ZBED4: variants seen among roughly 807,000 people sequenced by gnomAD.
ZBED4 encodes the protein zinc finger BED domain-containing protein 4.
ZBED4 carries 4 observed loss-of-function variants against 15.5 expected under a neutral mutation model. The observed-to-expected ratio is 0.26, with a 90% CI of 0.13 to 0.59. The LOEUF (loss-of-function observed/expected upper bound fraction) is 0.59. Ranked by LOEUF, ZBED4 falls within the 20% of genes least tolerant of loss-of-function variation. The pLI is 0.90. For missense variants in ZBED4, 1,323 were observed against 1,461.8 expected (o/e 0.91, Z 1.55); for synonymous variants, 692 against 608.5 (o/e 1.14, Z -2.02).
At chr22:49,868,532 T>C (rs2147516158) in intron 1 of ZBED4, among the ~76,000 whole-genome samples, 1 of 152,138 alleles carries the variant, frequency 6.6e-6, no homozygotes, top group Admixed American at 6.5e-5. Flanking sequence ...TGAGCCAAGA[T>C]TGTGCCACTG....
Position 49,885,486 on chromosome 22 carries a change from T to C in ZBED4, c.1824T>C (p.His608=). ...SCLLRHLQRF[H]SNVLKTEVSE... is the part of the protein sequence containing the mutation. ...TTCTGAGACATTTACAGCGGTTCCA[T>C]AGCAACGTGCTGAAAACTGAGGTCT... Residue 608 remains histidine (H), a synonymous_variant, in exon 2 of 2, where the codon CAT becomes CAC. Transcript: ENST00000216268. 1 of 1,612,448 alleles carries C rather than the reference T, an allele frequency of 6.2e-7. No individual in the cohort carries two copies. Among genetic ancestry groups the C allele is most frequent in the Non-Finnish European group, 8.5e-7 (1 of 1,178,560 alleles).
chr22:49,870,388 T>C (rs2060340999), intron 1 of ZBED4, among the ~76,000 whole-genome samples: 1 of 152,248 alleles, frequency 6.6e-6, no homozygotes, highest in Admixed American at 6.5e-5. Context: ...TTTAGTTCTT[T>C]GAGAAGACTC....
At chr22:49,876,205 C>G (rs926922900) in intron 1 of ZBED4, among the ~76,000 whole-genome samples, 1 of 152,118 alleles carries the variant, frequency 6.6e-6, no homozygotes, top group African/African-American at 2.4e-5. Flanking sequence ...AGAGAAGAGT[C>G]TGTCTTGGTG....
chr22:49,874,506 G>A (rs1025663963), intron 1 of ZBED4, among the ~76,000 whole-genome samples: 5 of 146,000 alleles, frequency 3.4e-5, no homozygotes, highest in African/African-American at 5.1e-5. Context: ...CTGCCTCAGC[G>A]TCCCAAGTAG....
chr22:49,870,617 T>C (rs889201609), intron 1 of ZBED4, among the ~76,000 whole-genome samples: 15 of 152,200 alleles, frequency 9.9e-5, no homozygotes, highest in African/African-American at 3.6e-4. Context: ...GCCACTTTTA[T>C]GTCTCCTTTC....
chr22:49,862,210 G>A lies in ZBED4; in HGVS notation c.-330+8221G>A, dbSNP rs138402397. On this transcript the variant is annotated intron_variant, in intron 1 of 1. Transcript: ENST00000216268. ...TCCCCGAGGGCGGTTGGCCCTGTGC[G>A]TGGAACCTATACGGAGCGGCCCCAA... 2.0e-3 allele frequency among the ~76,000 whole-genome samples: 298 copies of A among 152,362 alleles called. 2 individuals carry two copies. The highest frequency in any genetic ancestry group is 7.0e-3 in the African/African-American group (290 of 41,582).
intron 1 of ZBED4, among the ~76,000 whole-genome samples, chr22:49,856,400 C>T (rs1010503523): frequency 3.9e-5 from 6 of 152,228 alleles, no homozygotes; most frequent in African/African-American, 1.4e-4. Flanking sequence ...CCCAGTTTCT[C>T]AGGAAAGCAT....
chr22:49,888,639 C>G lies in ZBED4; in HGVS notation c.*1461C>G, dbSNP rs912282071. 1 of 167,252 alleles carries G rather than the reference C, an allele frequency of 6.0e-6. No homozygotes were observed. The highest frequency in any genetic ancestry group is 2.1e-4 in the South Asian group (1 of 4,830). 10.4% of individuals were successfully genotyped at this position (167,252 alleles called of 1,614,324 possible). On this transcript the variant is annotated 3_prime_UTR_variant, in exon 2 of 2. Transcript: ENST00000216268. ...GCCATGGTGATGACTTTCCAGGTCT[C>G]GTGTTCAAGTGGTGCCAGAATGCAG...
chr22:49,864,950 C>CGCCG lies in ZBED4; in HGVS notation c.-330+10961_-330+10962insGCCG, dbSNP rs1555922815. On this transcript the variant is annotated intron_variant, in intron 1 of 1. Coordinates refer to ENST00000216268, the MANE Select transcript of ZBED4 (RefSeq NM_014838.3). ...CTATCCCAGCAAGCCCCCCCCCCCC[C>CGCCG]CCGTGAAGTCAGAAACCACGGAGTC... Among the ~76,000 whole-genome samples, 29 of 74,748 alleles carry CGCCG rather than the reference C, an allele frequency of 3.9e-4. 6 individuals are homozygous for CGCCG. In the African/African-American group the frequency reaches 4.6e-3, roughly 12 times the overall value. 49.0% of individuals were successfully genotyped at this position (74,748 alleles called of 152,430 possible).
At chr22:49,859,747 G>C (rs905416290) in intron 1 of ZBED4, among the ~76,000 whole-genome samples, 1 of 152,172 alleles carries the variant, frequency 6.6e-6, no homozygotes, top group Non-Finnish European at 1.5e-5. Flanking sequence ...GTAGTTTTGC[G>C]GGGTGTGGTG....
chr22:49,854,271 C>T (rs1480072971), intron 1 of ZBED4, among the ~76,000 whole-genome samples: 2 of 150,352 alleles, frequency 1.3e-5, no homozygotes, highest in Non-Finnish European at 3.0e-5. Context: ...GTGCCCGCGC[C>T]GTTGCTTCCG....
chr22:49,875,418 C>CTTTTTTTTTTTTTTTTTTTTT (rs55993655), intron 1 of ZBED4, among the ~76,000 whole-genome samples: 2 of 145,174 alleles, frequency 1.4e-5, no homozygotes, highest in Non-Finnish European at 1.5e-5. Flanking sequence ...AATTTATTTT[C>CTTTTTTTTTTTTTTTTTTTTT]TTTTTTTTTT....
At chr22:49,879,307 AG>A (rs1353256374) in intron 1 of ZBED4, among the ~76,000 whole-genome samples, 2 of 147,892 alleles carry the variant, frequency 1.4e-5, no homozygotes, top group African/African-American at 5.1e-5. Flanking sequence ...TTGTATTTTT[AG>A]TAGAGACCAG....
intron 1 of ZBED4, among the ~76,000 whole-genome samples, chr22:49,860,904 G>T (rs1029892389): frequency 1.3e-5 from 2 of 151,078 alleles, no homozygotes; most frequent in African/African-American, 2.4e-5. Context: ...TCAGCCTCCC[G>T]AGTAGCTGGG....
chr22:49,857,732 C>T (rs370106606), intron 1 of ZBED4, among the ~76,000 whole-genome samples: 1 of 152,132 alleles, frequency 6.6e-6, no homozygotes, highest in Non-Finnish European at 1.5e-5. Context: ...GCTGGAATTA[C>T]AGGCACCCGC....
chr22:49,860,779 C>CTTT (rs560679145), intron 1 of ZBED4, among the ~76,000 whole-genome samples: 2 of 137,582 alleles, frequency 1.5e-5, no homozygotes, highest in Non-Finnish European at 1.6e-5. Flanking sequence ...TCTAAGCAAC[C>CTTT]TTTTTTTTTT....
At position 49,886,785 on chromosome 22, in the gene ZBED4, G is replaced by A; in HGVS notation, c.3123G>A (p.Glu1041=). ...RELELMNSTS[E]DVAASHRCDA... is the part of the protein sequence containing the mutation. ...TCGAACTCATGAATTCTACCTCAGA[G>A]GACGTGGCTGCCTCCCACAGGTGTG... is the stretch of plus-strand genomic sequence containing the variant. Residue 1041 remains glutamate (E), a synonymous_variant, in exon 2 of 2, where the codon GAG becomes GAA. Coordinates refer to ENST00000216268, the MANE Select transcript of ZBED4 (RefSeq NM_014838.3). The surrounding 1 kb of genome is among the most constrained non-coding windows in gnomAD (Gnocchi z 7.7). 6.2e-7 allele frequency: 1 copy of A among 1,612,748 alleles called. No individual in the cohort carries two copies. The highest frequency in any genetic ancestry group is 8.5e-7 in the Non-Finnish European group (1 of 1,179,332).
chr22:49,861,230 G>A lies in ZBED4; in HGVS notation c.-330+7241G>A, dbSNP rs567425147. 6.6e-5 allele frequency among the ~76,000 whole-genome samples: 10 copies of A among 150,880 alleles called. No homozygotes were observed. The South Asian group carries it at 1.1e-3, about 16-fold the overall frequency. ...TTTGTTTGTTATGAGATGGAGTCTC[G>A]CTCTGGATTCAAGTGATTCTTGTGC... On this transcript the variant is annotated intron_variant, in intron 1 of 1. Transcript: ENST00000216268.
Position 49,889,457 on chromosome 22 carries a change from A to C in ZBED4, c.*2279A>C, listed in dbSNP as rs1221143048. The C allele has an allele frequency of 6.0e-6, 1 of 166,890 alleles. No homozygotes were observed. The highest frequency in any genetic ancestry group is 1.5e-5 in the Non-Finnish European group (1 of 68,080). 10.3% of individuals were successfully genotyped at this position (166,890 alleles called of 1,614,324 possible). ...CTGGCCCTTGAGCTAGCCTGCCTTT[A>C]TGGGGTTTTTTTTGTTTGTTTTTTT... On this transcript the variant is annotated 3_prime_UTR_variant, in exon 2 of 2. Transcript: ENST00000216268.
Sources: gnomAD v4.1 joint callset for allele counts (sites outside exome capture counted in the v4.1 genomes callset) on GRCh38, gnomAD v4.1.1 for gene constraint, Gnocchi (gnomAD v3.1) non-coding constraint, MANE v1.5 for transcripts, NCBI Gene and HGNC (gene_info 2026-07-23, HGNC 2026-07-21) for gene names.